TGM5: variants seen among roughly 807,000 people sequenced by gnomAD.
The protein encoded by TGM5 is transglutaminase 5.
Under a neutral mutation model 77.2 loss-of-function variants are expected in TGM5, and 69 were observed. That is an observed-to-expected ratio of 0.89 (90% CI 0.74 to 1.09). TGM5 has a LOEUF of 1.09. TGM5 is among the 50% of genes least tolerant of loss of function. The pLI, the probability that TGM5 is intolerant of heterozygous loss-of-function variation, is 0.00. For synonymous variants in TGM5, 346 were observed against 351.8 expected (o/e 0.98, Z 0.18); for missense variants, 842 against 896.5 (o/e 0.94, Z 0.78).
rs606231277 is a variant in TGM5 at position 43,253,549 on chromosome 15, AG to A, written c.640del (p.Leu214CysfsTer15). 1.9e-5 allele frequency: 31 copies of A among 1,613,778 alleles called. No individual in the cohort carries two copies. Among genetic ancestry groups the A allele is most frequent in the Non-Finnish European group, 2.5e-5 (30 of 1,180,042 alleles). On this transcript the variant is annotated frameshift_variant, in exon 5 of 13. Transcript: ENST00000220420. LOFTEE classifies it high-confidence loss of function. ...FQTDPATDCA[L>X]RGSPVYVSRV... ...GCTGACGTAGACGGGGCTTCCCCGC[AG>A]AGCACAGTCTGTGGCTGGGTCAGTC... is the stretch of plus-strand genomic sequence containing the variant.
At chr15:43,235,265 AGAGGGAGGGAGGGAAG>A (rs1412948630) in intron 10 of TGM5, among the ~76,000 whole-genome samples, 188 bp downstream of exon 10, 8 of 138,238 alleles carry the variant, frequency 5.8e-5, no homozygotes, top group Middle Eastern at 3.6e-3. Context: ...AGGAAGGAAG[AGAGGGAGGGAGGGAAG>A]GAGGGAGGGA....
At chr15:43,265,614 A>G (rs899810818) in intron 1 of TGM5, among the ~76,000 whole-genome samples, 6 of 152,216 alleles carry the variant, frequency 3.9e-5, no homozygotes, top group Non-Finnish European at 5.9e-5. Context: ...GTTTTCCTTG[A>G]GGTGAGAGGA....
At chr15:43,243,394 C>T (rs535993899) in intron 6 of TGM5, among the ~76,000 whole-genome samples, 25 of 152,298 alleles carry the variant, frequency 1.6e-4, no homozygotes, top group Admixed American at 3.9e-4. Context: ...CTCAACTGTC[C>T]GTAGAGCATA....
chr15:43,245,901 G>GC (rs1447485320), intron 6 of TGM5, among the ~76,000 whole-genome samples: 1 of 125,320 alleles, frequency 8.0e-6, no homozygotes, highest in Admixed American at 8.1e-5. Flanking sequence ...GTGTGTGTTG[G>GC]GGGGGGGGGT....
At chr15:43,253,009 A>C in intron 5 of TGM5, 73 bp from the exon 6 acceptor site, 2 of 1,521,602 alleles carry the variant, frequency 1.3e-6, no homozygotes, top group Non-Finnish European at 1.8e-6. Flanking sequence ...GCTGCCTTGG[A>C]AGACCCATGG....
chr15:43,256,475 G>A, intron 4 of TGM5, 93 bp downstream of exon 4: 3 of 983,478 alleles, frequency 3.1e-6, no homozygotes, highest in South Asian at 2.5e-5. Context: ...AGTTAGCGTT[G>A]GTCAGCAGTT....
chr15:43,238,777 C>T, intron 9 of TGM5, 40 bp downstream of exon 9: 3 of 1,610,196 alleles, frequency 1.9e-6, no homozygotes, highest in Non-Finnish European at 2.5e-6. Context: ...AAGGTTCCTG[C>T]AGGGCTGGGG....
chr15:43,248,122 A>G (rs2042681123), intron 6 of TGM5, among the ~76,000 whole-genome samples: 1 of 152,220 alleles, frequency 6.6e-6, no homozygotes, highest in Non-Finnish European at 1.5e-5. Context: ...ATAAAAGGGA[A>G]AAAAAGTGGG....
intron 4 of TGM5, among the ~76,000 whole-genome samples, chr15:43,255,246 A>C (rs2042735195): frequency 6.6e-6 from 1 of 152,084 alleles, no homozygotes; most frequent in Non-Finnish European, 1.5e-5. Flanking sequence ...AGGTGGGAGG[A>C]TCACTTGAGT....
intron 6 of TGM5, among the ~76,000 whole-genome samples, chr15:43,247,523 A>C (rs935776642): frequency 2.0e-5 from 3 of 152,118 alleles, no homozygotes; most frequent in Non-Finnish European, 2.9e-5. Context: ...GACCTCAAAA[A>C]AAAAAGGAGA....
At chr15:43,239,479 C>A in intron 7 of TGM5, 262 of 542,398 alleles carry the variant, frequency 4.8e-4, no homozygotes, top group South Asian at 1.3e-3. Context: ...CTCAGGAGTT[C>A]AAGATTAACC....
chr15:43,239,550 C>T (rs1158483421), intron 7 of TGM5: 8 of 469,556 alleles, frequency 1.7e-5, no homozygotes, highest in South Asian at 1.5e-4. Context: ...CATCATGGCA[C>T]ATGCCTATAG....
At chr15:43,261,480 CAAAG>C (rs544825712) in intron 1 of TGM5, among the ~76,000 whole-genome samples, 175 of 152,252 alleles carry the variant, frequency 1.1e-3, no homozygotes, top group Non-Finnish European at 1.8e-3. Context: ...TGACAACAGT[CAAAG>C]AAAGTTTCAT....
intron 3 of TGM5, among the ~76,000 whole-genome samples, chr15:43,259,198 A>G (rs1288050332): frequency 6.6e-6 from 1 of 151,992 alleles, no homozygotes; most frequent in East Asian, 1.9e-4. Flanking sequence ...TGCCCACACC[A>G]TGTCCTTGTG....
intron 1 of TGM5, among the ~76,000 whole-genome samples, chr15:43,260,879 T>G (rs2042781070): frequency 6.6e-6 from 1 of 152,048 alleles, no homozygotes; most frequent in Non-Finnish European, 1.5e-5. Context: ...CAAGTCCTTC[T>G]GTAGACCTGG....
Position 43,233,568 on chromosome 15 carries a change from T to G in TGM5, c.1995A>C (p.Lys665Asn), listed in dbSNP as rs955725826. The change falls in exon 12 of 13, where the codon AAA (lysine) becomes AAC (asparagine). Residue 665 changes from lysine (K) to asparagine (N), a missense_variant. This residue lies in a region of TGM5 where 815 missense variants were observed against 844.6 expected (regional missense o/e 0.96). Coordinates refer to ENST00000220420, the MANE Select transcript of TGM5 (RefSeq NM_201631.4). ...GCAGCACTTACAAGACTTTCTGCTG[T>G]TTCTTGAAGAGGCCACTTCCTTCCA... ...LTVEGSGLFK[K>N]QQKVFLGVLK... The G allele has an allele frequency of 6.2e-7, 1 of 1,614,032 alleles. No homozygotes were observed. Among genetic ancestry groups the G allele is most frequent in the Admixed American group, 1.7e-5 (1 of 59,994 alleles).
At chr15:43,254,407 G>A (rs1466755494) in intron 4 of TGM5, among the ~76,000 whole-genome samples, 1 of 152,232 alleles carries the variant, frequency 6.6e-6, no homozygotes, top group Non-Finnish European at 1.5e-5. Flanking sequence ...TTTGTAGAAT[G>A]AGTGTAAATG....
At chr15:43,264,110 G>C (rs117575520) in intron 1 of TGM5, among the ~76,000 whole-genome samples, 1 of 152,102 alleles carries the variant, frequency 6.6e-6, no homozygotes, top group African/African-American at 2.4e-5. Flanking sequence ...ATACCATCTC[G>C]TATCTCCTAG....
intron 9 of TGM5, among the ~76,000 whole-genome samples, chr15:43,236,784 T>C (rs907398243): frequency 2.0e-4 from 31 of 151,962 alleles, no homozygotes; most frequent in African/African-American, 7.5e-4. Context: ...CTGACCAACA[T>C]GGTGAAACCC....
Sources: allele counts gnomAD v4.1 joint callset (sites outside exome capture counted in the v4.1 genomes callset), GRCh38; gene constraint gnomAD v4.1.1; regional missense constraint gnomAD v4.1.1; transcripts MANE v1.5; gene names NCBI Gene and HGNC (gene_info 2026-07-23, HGNC 2026-07-21).